CACNA2D3: variants seen among roughly 807,000 people sequenced by gnomAD.
CACNA2D3 encodes the protein calcium voltage-gated channel auxiliary subunit alpha2delta 3.
In CACNA2D3, 60 loss-of-function variants were observed where a neutral mutation model predicts 160.6. The ratio of observed to expected loss-of-function variants is 0.37; its 90% CI spans 0.30 to 0.46. The LOEUF (loss-of-function observed/expected upper bound fraction) is 0.46, where lower values mean the gene tolerates loss of function less well. Ranked by LOEUF, CACNA2D3 falls within the 20% of genes least tolerant of loss-of-function variation. The pLI is 1.00. For synonymous variants in CACNA2D3, 558 were observed against 492.9 expected (o/e 1.13, Z -1.75); for missense variants, 1,205 against 1,365.0 (o/e 0.88, Z 1.85).
chr3:54,977,682 C>A (rs924890985), intron 29 of CACNA2D3, among the ~76,000 whole-genome samples: 7 of 152,154 alleles, frequency 4.6e-5, no homozygotes, highest in African/African-American at 1.7e-4. Flanking sequence ...ACTGACTCAA[C>A]AGAGGTTAGC....
chr3:54,289,639 G>A lies in CACNA2D3; in HGVS notation c.205-30803G>A, dbSNP rs147930302. 7.4e-4 allele frequency among the ~76,000 whole-genome samples: 112 copies of A among 152,246 alleles called. 1 individual carries two copies. The highest frequency in any genetic ancestry group is 2.1e-3 in the African/African-American group (89 of 41,542). On this transcript the variant is annotated intron_variant, in intron 2 of 37. Coordinates refer to ENST00000474759, the MANE Select transcript of CACNA2D3 (RefSeq NM_018398.3). ...GAAAGAACAAAGCTGGAAGCATCAC[G>A]CTACCTGACTTCAAACTATACAACA...
chr3:54,498,542 A>AT (rs1701239716), intron 4 of CACNA2D3, among the ~76,000 whole-genome samples: 1 of 151,488 alleles, frequency 6.6e-6, no homozygotes, highest in Non-Finnish European at 1.5e-5. Context: ...GGTATTATTG[A>AT]TTTTTTCCTG....
At chr3:54,238,031 G>A (rs1296551246) in intron 2 of CACNA2D3, among the ~76,000 whole-genome samples, 1 of 152,196 alleles carries the variant, frequency 6.6e-6, no homozygotes, top group Non-Finnish European at 1.5e-5. Context: ...TCTTGCAGCA[G>A]CCCTTGATGC....
chr3:54,493,584 C>A (rs1330260667), intron 4 of CACNA2D3, among the ~76,000 whole-genome samples: 5 of 152,210 alleles, frequency 3.3e-5, no homozygotes, highest in African/African-American at 1.2e-4. Context: ...AGCTCCTATG[C>A]CTTTACTTCT....
intron 35 of CACNA2D3, among the ~76,000 whole-genome samples, chr3:55,062,280 C>CTTTTTTTT (rs10693110): frequency 1.5e-4 from 21 of 139,874 alleles, no homozygotes; most frequent in African/African-American, 5.6e-4. Context: ...TCATATCTGT[C>CTTTTTTTT]TTTTTTTTTT....
chr3:54,141,088 CGCGCGCGCGCGTGTGT>C (rs1699922862), intron 2 of CACNA2D3, among the ~76,000 whole-genome samples: 1 of 120,480 alleles, frequency 8.3e-6, no homozygotes, highest in African/African-American at 3.4e-5. Flanking sequence ...TGTGTGTGTG[CGCGCGCGCGCGTGTGT>C]GCATGCATGC....
intron 3 of CACNA2D3, among the ~76,000 whole-genome samples, chr3:54,346,681 T>G (rs1257099331): frequency 6.6e-6 from 1 of 152,208 alleles, no homozygotes; most frequent in African/African-American, 2.4e-5. Flanking sequence ...CAAATACTGA[T>G]ACAATACTAT....
intron 2 of CACNA2D3, among the ~76,000 whole-genome samples, chr3:54,125,674 A>C (rs190747868): frequency 1.3e-5 from 2 of 152,292 alleles, no homozygotes; most frequent in East Asian, 3.9e-4. Flanking sequence ...AGCATTTTTC[A>C]GCTATGTTTT....
chr3:54,392,747 T>G (rs1699303027), intron 4 of CACNA2D3, among the ~76,000 whole-genome samples: 1 of 152,132 alleles, frequency 6.6e-6, no homozygotes, highest in Non-Finnish European at 1.5e-5. Context: ...CTAGAGCAGC[T>G]TACTCTACCT....
At chr3:54,601,165 C>T (rs1205307609) in intron 9 of CACNA2D3, among the ~76,000 whole-genome samples, 1 of 152,174 alleles carries the variant, frequency 6.6e-6, no homozygotes, top group Non-Finnish European at 1.5e-5. Flanking sequence ...ATGACCAAAA[C>T]TTGGCTGGGC....
intron 2 of CACNA2D3, among the ~76,000 whole-genome samples, chr3:54,290,352 C>T (rs1445228868): frequency 1.3e-5 from 2 of 152,170 alleles, no homozygotes; most frequent in Non-Finnish European, 2.9e-5. Flanking sequence ...ATCAAAACCA[C>T]ATTGAGATAC....
intron 4 of CACNA2D3, among the ~76,000 whole-genome samples, chr3:54,429,338 A>G (rs1056398555): frequency 9.2e-5 from 14 of 152,242 alleles, no homozygotes; most frequent in Non-Finnish European, 7.3e-5. Flanking sequence ...TGTAAATATT[A>G]TAATGGCAAG....
Position 54,149,924 on chromosome 3 carries a change from T to TCCCC in CACNA2D3, c.204+26331_204+26332insCCCC, listed in dbSNP as rs1391058201. 6.1e-3 allele frequency among the ~76,000 whole-genome samples: 296 copies of TCCCC among 48,740 alleles called. 27 individuals are homozygous for TCCCC. In the East Asian group the frequency reaches 0.088, roughly 14 times the overall value. The allele number at this position is 48,740 out of a possible 152,430, so 32.0% of individuals were successfully genotyped here. Reference sequence around the variant, plus strand: ...CTCTCTCTCTCTCTCTCTCTCTCTCTCTCTCTCCCTCCCTCCCTCCCTCCC... The same window carrying TCCCC: ...CTCTCTCTCTCTCTCTCTCTCTCTCTCCCCCTCTCTCCCTCCCTCCCTCCCTCCC... On this transcript the variant is annotated intron_variant, in intron 2 of 37. Transcript: ENST00000474759.
intron 2 of CACNA2D3, among the ~76,000 whole-genome samples, chr3:54,202,943 C>T (rs1273032748): frequency 6.6e-6 from 1 of 152,178 alleles, no homozygotes; most frequent in Non-Finnish European, 1.5e-5. Flanking sequence ...AAAGTGAACT[C>T]ACCGGGTCAG....
chr3:54,339,530 C>G (rs1704469296), intron 3 of CACNA2D3, among the ~76,000 whole-genome samples: 1 of 152,166 alleles, frequency 6.6e-6, no homozygotes, highest in Non-Finnish European at 1.5e-5. Context: ...CATTTGCTCT[C>G]CCACTAGAAC....
chr3:54,855,094 C>T (rs928565646), intron 17 of CACNA2D3, among the ~76,000 whole-genome samples: 3 of 152,220 alleles, frequency 2.0e-5, no homozygotes, highest in African/African-American at 4.8e-5. Flanking sequence ...CTCCAGACAG[C>T]ATCCCCCTGG....
intron 31 of CACNA2D3, among the ~76,000 whole-genome samples, chr3:54,992,622 C>G (rs1189890251): frequency 6.6e-6 from 1 of 152,034 alleles, no homozygotes; most frequent in Non-Finnish European, 1.5e-5. Context: ...GAGGGAAGAG[C>G]CCCCAGCCCA....
At chr3:54,136,083 C>T (rs143815068) in intron 2 of CACNA2D3, among the ~76,000 whole-genome samples, 97 of 152,278 alleles carry the variant, frequency 6.4e-4, no homozygotes, top group African/African-American at 2.2e-3. Context: ...CTAGTTTATG[C>T]GGAAGGGTGT....
intron 2 of CACNA2D3, among the ~76,000 whole-genome samples, chr3:54,266,262 A>G (rs1366168763): frequency 6.6e-6 from 1 of 152,208 alleles, no homozygotes; most frequent in African/African-American, 2.4e-5. Flanking sequence ...GCTTCTTAGA[A>G]TTGGAGTTGG....
Sources: allele counts gnomAD v4.1 joint callset (sites outside exome capture counted in the v4.1 genomes callset), GRCh38; gene constraint gnomAD v4.1.1; transcripts MANE v1.5; gene names NCBI Gene and HGNC (gene_info 2026-07-23, HGNC 2026-07-21).